PPARGC1A: variants seen among roughly 807,000 people sequenced by gnomAD.
PPARGC1A encodes the protein PPARG coactivator 1 alpha, also known as peroxisome proliferator-activated receptor gamma coactivator 1-alpha.
A neutral mutation model predicts 88.7 loss-of-function variants in PPARGC1A; 25 were observed. The ratio of observed to expected loss-of-function variants is 0.28; its 90% CI spans 0.21 to 0.39. PPARGC1A has a LOEUF of 0.39. PPARGC1A is among the 10% of genes least tolerant of loss of function. The probability of loss-of-function intolerance (pLI) is 1.00; values close to 1 mark genes in which losing one functional copy is unlikely to be tolerated. For synonymous variants in PPARGC1A, 363 were observed against 355.6 expected (o/e 1.02, Z -0.24); for missense variants, 880 against 968.7 (o/e 0.91, Z 1.22).
chr4:24,359,862 C>T, the PPARGC1A span, among the ~76,000 whole-genome samples: 3 of 152,204 alleles, frequency 2.0e-5, no homozygotes, highest in Non-Finnish European at 4.4e-5. Context: ...TGGAACAGTT[C>T]TCAGCCTCTA....
the PPARGC1A span, among the ~76,000 whole-genome samples, chr4:24,226,531 T>C: frequency 6.6e-6 from 1 of 152,206 alleles, no homozygotes; most frequent in African/African-American, 2.4e-5. Flanking sequence ...CCAAGGCTGA[T>C]TTAAAGCAAA....
At chr4:23,992,680 T>C in the PPARGC1A span, among the ~76,000 whole-genome samples, 7 of 82,156 alleles carry the variant, frequency 8.5e-5, no homozygotes, top group South Asian at 2.4e-3. Flanking sequence ...AAAAGACTGA[T>C]TGAAAGGCTC....
At chr4:24,414,756 G>A in the PPARGC1A span, among the ~76,000 whole-genome samples, 10 of 152,182 alleles carry the variant, frequency 6.6e-5, no homozygotes, top group East Asian at 1.7e-3. Flanking sequence ...ACAACTTCTG[G>A]ATAATTTGTT....
rs137894987 is a variant in PPARGC1A at position 23,801,740 on chromosome 4, A to G, written c.2283T>C (p.Tyr761=). ...CAATAAAATCCATACCTAGGTCTGC[A>G]TAGTTAGACTTGAAAAATTGCTTGC... ...CGRKQFFKSN[Y]ADLDSNSDDF... The change falls in exon 12 of 13, where the codon TAT becomes TAC. Residue 761 remains tyrosine, a synonymous_variant. Transcript: ENST00000264867. The G allele has an allele frequency of 2.5e-6, 4 of 1,613,904 alleles. No homozygotes were observed. The African/African-American group carries it at 4.0e-5, about 16-fold the overall frequency.
At chr4:24,107,318 G>A in the PPARGC1A span, among the ~76,000 whole-genome samples, 3 of 152,096 alleles carry the variant, frequency 2.0e-5, no homozygotes, top group Non-Finnish European at 4.4e-5. Context: ...ATAATGAACC[G>A]AGTTGTGAGT....
At chr4:24,064,613 GAC>G in the PPARGC1A span, among the ~76,000 whole-genome samples, 1 of 152,016 alleles carries the variant, frequency 6.6e-6, no homozygotes, top group Non-Finnish European at 1.5e-5. Flanking sequence ...CTCATATAAA[GAC>G]ACACAGGGCA....
At chr4:24,284,172 G>C in the PPARGC1A span, among the ~76,000 whole-genome samples, 1 of 151,814 alleles carries the variant, frequency 6.6e-6, no homozygotes, top group East Asian at 1.9e-4. Flanking sequence ...GGTGGGGCAG[G>C]GGGGCACCTG....
At chr4:24,108,529 A>G in the PPARGC1A span, among the ~76,000 whole-genome samples, 1 of 152,110 alleles carries the variant, frequency 6.6e-6, no homozygotes, top group Non-Finnish European at 1.5e-5. Context: ...TCTTGAGCCT[A>G]TTATATATAG....
chr4:24,245,925 G>GCACACACA, the PPARGC1A span, among the ~76,000 whole-genome samples: 882 of 148,460 alleles, frequency 5.9e-3, 6 homozygotes, highest in East Asian at 0.026. Context: ...AAAGCCATGT[G>GCACACACA]CACACACACA....
At chr4:23,964,109 G>A in the PPARGC1A span, among the ~76,000 whole-genome samples, 1 of 152,196 alleles carries the variant, frequency 6.6e-6, no homozygotes, top group Non-Finnish European at 1.5e-5. Context: ...GTTCAATTAT[G>A]ATTGCAAATG....
At chr4:24,000,707 G>A in the PPARGC1A span, among the ~76,000 whole-genome samples, 5 of 152,100 alleles carry the variant, frequency 3.3e-5, no homozygotes, top group Non-Finnish European at 7.4e-5. Context: ...AGGCAGCTAA[G>A]TGCATCCACG....
chr4:23,832,175 CCAAACTGTCTAGA>C (rs1403889800), intron 2 of PPARGC1A, among the ~76,000 whole-genome samples: 1 of 152,154 alleles, frequency 6.6e-6, no homozygotes, highest in Non-Finnish European at 1.5e-5. Context: ...AGCATACCCC[CCAAACTGTCTAGA>C]CAGCTCTTTA....
the PPARGC1A span, among the ~76,000 whole-genome samples, chr4:24,038,891 G>T: frequency 6.6e-6 from 1 of 152,078 alleles, no homozygotes. Context: ...TTTAACTCTG[G>T]GGTTGGTATT....
intron 10 of PPARGC1A, among the ~76,000 whole-genome samples, chr4:23,804,618 C>T (rs1159667184): frequency 1.3e-5 from 2 of 152,184 alleles, no homozygotes; most frequent in African/African-American, 2.4e-5. Flanking sequence ...TTAACAAGAC[C>T]TACAAGGCCC....
chr4:23,981,158 A>G, the PPARGC1A span, among the ~76,000 whole-genome samples: 1 of 151,994 alleles, frequency 6.6e-6, no homozygotes, highest in African/African-American at 2.4e-5. Flanking sequence ...ATATCCTTGC[A>G]GTTGAGTATT....
At chr4:23,944,013 A>T in the PPARGC1A span, among the ~76,000 whole-genome samples, 1 of 152,186 alleles carries the variant, frequency 6.6e-6, no homozygotes, top group Non-Finnish European at 1.5e-5. Flanking sequence ...ATAATGATTA[A>T]ATGAAATGTG....
At chr4:24,371,447 G>T in the PPARGC1A span, among the ~76,000 whole-genome samples, 1 of 152,112 alleles carries the variant, frequency 6.6e-6, no homozygotes, top group Non-Finnish European at 1.5e-5. Context: ...CTTTGCAAAA[G>T]GTCTGAGTGG....
chr4:23,844,903 G>A, intron 2 of PPARGC1A, among the ~76,000 whole-genome samples: 1 of 136,228 alleles, frequency 7.3e-6, no homozygotes, highest in Non-Finnish European at 1.5e-5. Flanking sequence ...CATACAGAAA[G>A]AGAAAAAAAG....
the PPARGC1A span, among the ~76,000 whole-genome samples, chr4:24,224,363 C>T: frequency 6.6e-6 from 1 of 152,090 alleles, no homozygotes; most frequent in Admixed American, 6.5e-5. Flanking sequence ...ATAAAGAGAG[C>T]TCTGGAAGGA....
Sources: allele counts gnomAD v4.1 joint callset (sites outside exome capture counted in the v4.1 genomes callset), GRCh38; gene constraint gnomAD v4.1.1; transcripts MANE v1.5; gene names NCBI Gene and HGNC (gene_info 2026-07-23, HGNC 2026-07-21).